Variants in PCDHGA3 observed in about 807,000 individuals in gnomAD.
The protein encoded by PCDHGA3 is protocadherin gamma-A3.
Under a neutral mutation model 58.5 loss-of-function variants are expected in PCDHGA3, and 40 were observed. That is an observed-to-expected ratio of 0.68 (90% CI 0.53 to 0.89). PCDHGA3 has a LOEUF of 0.89. Ranked by LOEUF, PCDHGA3 falls within the 40% of genes least tolerant of loss-of-function variation. The pLI, the probability that PCDHGA3 is intolerant of heterozygous loss-of-function variation, is 0.00. For missense variants in PCDHGA3, 1,223 were observed against 1,195.9 expected (o/e 1.02, Z -0.33); for synonymous variants, 530 against 525.7 (o/e 1.01, Z -0.11).
intron 1 of PCDHGA3, chr5:141,410,998 T>C: frequency 5.8e-6 from 1 of 173,396 alleles, no homozygotes; most frequent in South Asian, 1.4e-4. Context: ...GGATTACTGG[T>C]GCCCCTCACC....
At chr5:141,447,719 C>T (rs1333017511) in intron 1 of PCDHGA3, among the ~76,000 whole-genome samples, 2 of 152,226 alleles carry the variant, frequency 1.3e-5, no homozygotes, top group East Asian at 3.9e-4. Context: ...TACACATTTT[C>T]CAAAACTCAT....
chr5:141,389,146 C>T (rs567517174), intron 1 of PCDHGA3: 17 of 1,613,996 alleles, frequency 1.1e-5, no homozygotes, highest in East Asian at 2.2e-5. Context: ...ATAACCGTTA[C>T]GGCAACAGAT....
intron 1 of PCDHGA3, chr5:141,410,735 T>A (rs2095420224): frequency 1.5e-6 from 2 of 1,336,188 alleles, no homozygotes; most frequent in East Asian, 4.7e-5. Context: ...CATAGCTTTT[T>A]ACAATATTTT....
chr5:141,372,765 A>G, intron 1 of PCDHGA3: 1 of 1,612,386 alleles, frequency 6.2e-7, no homozygotes, highest in Non-Finnish European at 8.5e-7. Flanking sequence ...GTTTGAAAGT[A>G]ATGACAATCC....
intron 1 of PCDHGA3, among the ~76,000 whole-genome samples, chr5:141,478,999 A>C (rs1220971456): frequency 2.0e-5 from 3 of 152,194 alleles, no homozygotes. Context: ...ATTAAAACTA[A>C]TAGCTTTTTG....
intron 1 of PCDHGA3, among the ~76,000 whole-genome samples, chr5:141,373,570 G>C (rs1011552232): frequency 1.3e-5 from 2 of 152,200 alleles, no homozygotes; most frequent in Non-Finnish European, 1.5e-5. Context: ...AATGGGACTA[G>C]CATAAATGGT....
intron 1 of PCDHGA3, among the ~76,000 whole-genome samples, chr5:141,482,458 C>G (rs986628162): frequency 1.4e-5 from 2 of 147,624 alleles, no homozygotes; most frequent in African/African-American, 2.6e-5. Flanking sequence ...ATTAGCATCC[C>G]TATGTGCCAG....
chr5:141,490,346 T>A lies in PCDHGA3; in HGVS notation c.2425-4461T>A. On this transcript the variant is annotated intron_variant, in intron 1 of 3. Coordinates refer to ENST00000253812, the MANE Select transcript of PCDHGA3 (RefSeq NM_018916.4). This position sits in a 1 kb window ranked among gnomAD's most constrained non-coding sequence, Gnocchi z 5.4. ...GAGAGCACACCAGTGGGCACAGTAG[T>A]GGGGTTGTTTAATGTGCGAGACCGG... The A allele has an allele frequency of 6.2e-7, 1 of 1,614,164 alleles. No individual in the cohort carries two copies. The highest frequency in any genetic ancestry group is 8.5e-7 in the Non-Finnish European group (1 of 1,180,020).
intron 1 of PCDHGA3, chr5:141,356,795 T>G: frequency 1.2e-6 from 2 of 1,613,984 alleles, no homozygotes; most frequent in Non-Finnish European, 1.7e-6. Flanking sequence ...CAGCTGCTGA[T>G]GACAGCCAGT....
chr5:141,392,746 G>A (rs970809453), intron 1 of PCDHGA3: 4 of 1,443,856 alleles, frequency 2.8e-6, no homozygotes, highest in Non-Finnish European at 3.6e-6. Flanking sequence ...CATAGCTGCG[G>A]CAAGAAACTA....
At chr5:141,506,103 C>T (rs1001709380) in intron 3 of PCDHGA3, among the ~76,000 whole-genome samples, 2 of 152,144 alleles carry the variant, frequency 1.3e-5, no homozygotes, top group Admixed American at 1.3e-4. Context: ...GTGGTTGTCC[C>T]TGAAGAGTCA....
At chr5:141,426,720 A>T (rs1448232477) in intron 1 of PCDHGA3, 4 of 447,600 alleles carry the variant, frequency 8.9e-6, no homozygotes, top group Non-Finnish European at 1.8e-5. Flanking sequence ...TGAACTAGCA[A>T]TTCCAGGCAT....
At chr5:141,412,876 A>T (rs1206092699) in intron 1 of PCDHGA3, 2 of 281,096 alleles carry the variant, frequency 7.1e-6, no homozygotes, top group Admixed American at 4.9e-5. Flanking sequence ...AAATATAATA[A>T]TCCAACAGAA....
At chr5:141,394,883 ACTCTAT>A in intron 1 of PCDHGA3, 1 of 1,611,724 alleles carries the variant, frequency 6.2e-7, no homozygotes, top group Non-Finnish European at 8.5e-7. Context: ...CGAGCCTTAC[ACTCTAT>A]CTCGTGGTGG....
At chr5:141,409,388 T>C in intron 1 of PCDHGA3, 1 of 1,614,018 alleles carries the variant, frequency 6.2e-7, no homozygotes, top group Non-Finnish European at 8.5e-7. Flanking sequence ...CAAGATTTAT[T>C]CTTCTTCCAA....
In PCDHGA3 at chr5:141,454,796, A is replaced by ATTTTTT. The variant is rs61612330; in HGVS notation, c.2425-39987_2425-39982dup. Among the ~76,000 whole-genome samples the ATTTTTT allele has an allele frequency of 4.9e-3, 381 of 77,456 alleles. 41 individuals carry two copies. The highest frequency in any genetic ancestry group is 0.011 in the African/African-American group (178 of 16,882). 50.8% of individuals were successfully genotyped at this position (77,456 alleles called of 152,430 possible). ...AAGGAAATAATCCTCCATGGTTCTA[A>ATTTTTT]TTTTTTTTTTTTTTTTTTTTTTTTT... On this transcript the variant is annotated intron_variant, in intron 1 of 3. Coordinates refer to ENST00000253812, the MANE Select transcript of PCDHGA3 (RefSeq NM_018916.4).
At chr5:141,350,736 T>C (rs1171513351) in intron 1 of PCDHGA3, 1 of 1,613,848 alleles carries the variant, frequency 6.2e-7, no homozygotes, top group Non-Finnish European at 8.5e-7. Context: ...GATGCAGATG[T>C]GGAAGGCAAT....
intron 1 of PCDHGA3, among the ~76,000 whole-genome samples, chr5:141,459,937 G>A (rs904431112): frequency 6.6e-6 from 1 of 152,132 alleles, no homozygotes; most frequent in Non-Finnish European, 1.5e-5. Flanking sequence ...TTGTAGCTGG[G>A]CGTGATGGCA....
rs115982940 is a variant in PCDHGA3, at chr5:141,457,996, G to A, written c.2425-36811G>A. On this transcript the variant is annotated intron_variant, in intron 1 of 3. Transcript: ENST00000253812. ...AACACACCCTTTCAGTTAAAGCCTTGGCAAAATAACCGGTTTTTCCAATTG... is the reference window on the plus strand; with the variant it reads ...AACACACCCTTTCAGTTAAAGCCTTAGCAAAATAACCGGTTTTTCCAATTG... Among the ~76,000 whole-genome samples the A allele has an allele frequency of 2.4e-3, 372 of 152,212 alleles. 2 individuals carry two copies. Among genetic ancestry groups the A allele is most frequent in the African/African-American group, 8.4e-3 (347 of 41,522 alleles).
Sources: allele counts gnomAD v4.1 joint callset (sites outside exome capture counted in the v4.1 genomes callset), GRCh38; gene constraint gnomAD v4.1.1; non-coding constraint Gnocchi (gnomAD v3.1); transcripts MANE v1.5; gene names NCBI Gene and HGNC (gene_info 2026-07-23, HGNC 2026-07-21).